The following EPHA7 variants were observed in gnomAD, a reference collection of about 807,000 sequenced individuals.
EPHA7 encodes EPH receptor A7, also known as ephrin type-A receptor 7.
In EPHA7, 25 loss-of-function variants were observed where a neutral mutation model predicts 112.6. The ratio of observed to expected loss-of-function variants is 0.22; its 90% confidence interval spans 0.16 to 0.31. The LOEUF (loss-of-function observed/expected upper bound fraction) is 0.31. Ranked by LOEUF, EPHA7 falls within the 10% of genes least tolerant of loss-of-function variation. The probability of loss-of-function intolerance (pLI) is 1.00; values close to 1 mark genes in which losing one functional copy is unlikely to be tolerated. For synonymous variants in EPHA7, 437 were observed against 406.5 expected (o/e 1.07, Z -0.90); for missense variants, 962 against 1,212.6 (o/e 0.79, Z 3.07).
intron 4 of EPHA7, 100 bp from the exon 5 acceptor site, chr6:93,357,152 G>A: frequency 1.2e-6 from 1 of 848,182 alleles, no homozygotes; most frequent in Non-Finnish European, 1.8e-6. Context: ...TAAGCTAGTG[G>A]CTCAATTACC....
chr6:93,391,520 G>A (rs1331372227), intron 3 of EPHA7, among the ~76,000 whole-genome samples: 1 of 151,858 alleles, frequency 6.6e-6, no homozygotes, highest in Admixed American at 6.6e-5. Flanking sequence ...GAAGGACCAA[G>A]GCAAGGAGCC....
At chr6:93,392,395 T>C (rs1777954003) in intron 3 of EPHA7, among the ~76,000 whole-genome samples, 1 of 151,854 alleles carries the variant, frequency 6.6e-6, no homozygotes, top group African/African-American at 2.4e-5. Context: ...GTGGGAAATG[T>C]CAAACCAGGT....
At chr6:93,278,702 T>A (rs745416961) in intron 5 of EPHA7, among the ~76,000 whole-genome samples, 11 of 151,936 alleles carry the variant, frequency 7.2e-5, no homozygotes, top group Non-Finnish European at 1.5e-4. Context: ...ACTGCTTTTC[T>A]TGCTGTTTTT....
rs371118095 is a variant in EPHA7 at position 93,263,841 on chromosome 6, A to G, written c.1798+19T>C. The G allele has an allele frequency of 1.7e-5, 28 of 1,606,548 alleles. No individual in the cohort carries two copies. Among genetic ancestry groups the G allele is most frequent in the Middle Eastern group, 1.7e-4 (1 of 6,048 alleles). ...TGTTAATAGGGGTACATCATAATAA[A>G]GAAAAGCCAAACACTTACAATGAAA... On this transcript the variant is annotated intron_variant, in intron 9 of 16. Transcript: ENST00000369303.
rs532304571 is a variant in EPHA7 at position 93,417,149 on chromosome 6, C to G, written c.97+2096G>C. 1.1e-4 allele frequency among the ~76,000 whole-genome samples: 17 copies of G among 152,286 alleles called. No homozygotes were observed. The East Asian group carries it at 2.9e-3, about 26-fold the overall frequency. ...CAAGCGTCAGACTCTGACACGCGCT[C>G]CCTGTAGCGATGATAACTGACCAAC... On this transcript the variant is annotated intron_variant, in intron 1 of 16. Transcript: ENST00000369303.
chr6:93,267,626 A>C (rs1156480920), intron 7 of EPHA7, among the ~76,000 whole-genome samples: 1 of 151,794 alleles, frequency 6.6e-6, no homozygotes, highest in Non-Finnish European at 1.5e-5. Flanking sequence ...GAATATATTG[A>C]TAGTAAAAAT....
chr6:93,283,219 T>C (rs1289509077), intron 5 of EPHA7, among the ~76,000 whole-genome samples: 4 of 152,100 alleles, frequency 2.6e-5, no homozygotes, highest in Admixed American at 2.6e-4. Context: ...CAATTGACAC[T>C]CTGTATCTAG....
At chr6:93,312,061 T>C (rs1438612815) in intron 5 of EPHA7, among the ~76,000 whole-genome samples, 2 of 152,184 alleles carry the variant, frequency 1.3e-5, no homozygotes, top group African/African-American at 4.8e-5. Context: ...GATACACTAA[T>C]AGAACACAGA....
intron 3 of EPHA7, among the ~76,000 whole-genome samples, chr6:93,394,708 A>C (rs569633864): frequency 6.6e-6 from 1 of 151,964 alleles, no homozygotes; most frequent in South Asian, 2.1e-4. Flanking sequence ...CACAGATTCC[A>C]AAAATTTTAC....
chr6:93,312,937 C>T (rs1773615648), intron 5 of EPHA7, among the ~76,000 whole-genome samples: 1 of 152,120 alleles, frequency 6.6e-6, no homozygotes, highest in African/African-American at 2.4e-5. Context: ...GGAACACACA[C>T]AGCATTTATC....
At chr6:93,277,468 T>A (rs890332784) in intron 5 of EPHA7, among the ~76,000 whole-genome samples, 7 of 152,040 alleles carry the variant, frequency 4.6e-5, no homozygotes, top group South Asian at 2.1e-4. Flanking sequence ...ATATTAAGAA[T>A]GATACATATG....
At chr6:93,322,771 T>A (rs1049058165) in intron 5 of EPHA7, among the ~76,000 whole-genome samples, 2 of 151,536 alleles carry the variant, frequency 1.3e-5, no homozygotes, top group African/African-American at 4.8e-5. Context: ...TTCAAATAAA[T>A]CCCTGAGGGA....
At chr6:93,273,120 T>G (rs9363053) in intron 5 of EPHA7, among the ~76,000 whole-genome samples, 15,022 of 152,010 alleles carry the variant, frequency 0.099, 1,021 homozygotes, top group South Asian at 0.3. Context: ...GCTACAATCT[T>G]GCTTTCTCTT....
intron 5 of EPHA7, among the ~76,000 whole-genome samples, chr6:93,344,620 A>T (rs1207137546): frequency 6.6e-6 from 1 of 151,676 alleles, no homozygotes; most frequent in Non-Finnish European, 1.5e-5. Context: ...CATGGTAAAC[A>T]TCATTATGAT....
chr6:93,394,083 A>C (rs1778042760), intron 3 of EPHA7, among the ~76,000 whole-genome samples: 1 of 151,710 alleles, frequency 6.6e-6, no homozygotes. Context: ...TTTTTAGACA[A>C]ACTATTGCAA....
intron 5 of EPHA7, among the ~76,000 whole-genome samples, chr6:93,349,553 A>C (rs1331874616): frequency 2.0e-5 from 3 of 151,862 alleles, no homozygotes; most frequent in Non-Finnish European, 4.4e-5. Context: ...TCTCTACAAA[A>C]TGGTTCCTGT....
At chr6:93,374,662 C>T (rs1354799663) in intron 3 of EPHA7, among the ~76,000 whole-genome samples, 3 of 152,154 alleles carry the variant, frequency 2.0e-5, no homozygotes, top group South Asian at 2.1e-4. Flanking sequence ...GGAGACTAGT[C>T]GCTCAGACTG....
At chr6:93,301,687 A>G (rs1220646545) in intron 5 of EPHA7, among the ~76,000 whole-genome samples, 1 of 152,186 alleles carries the variant, frequency 6.6e-6, no homozygotes, top group Non-Finnish European at 1.5e-5. Flanking sequence ...CCAAAGTTCT[A>G]TGTAATCCTG....
chr6:93,405,102 G>A (rs1315538194), intron 3 of EPHA7, among the ~76,000 whole-genome samples: 3 of 151,774 alleles, frequency 2.0e-5, no homozygotes, highest in Admixed American at 1.3e-4. Flanking sequence ...CAGAACAAAA[G>A]ATCACCCACA....
Sources: allele counts gnomAD v4.1 joint callset (sites outside exome capture counted in the v4.1 genomes callset), GRCh38; gene constraint gnomAD v4.1.1; transcripts MANE v1.5; gene names NCBI Gene and HGNC (gene_info 2026-07-23, HGNC 2026-07-21).